OSBPL3: variants seen among roughly 807,000 people sequenced by gnomAD.
OSBPL3 encodes oxysterol-binding protein-related protein 3.
OSBPL3 carries 65 observed loss-of-function variants against 120.1 expected under a neutral mutation model. The observed-to-expected ratio is 0.54, with a 90% confidence interval of 0.44 to 0.67. OSBPL3 has a LOEUF of 0.67. Ranked by LOEUF, OSBPL3 falls within the 30% of genes least tolerant of loss-of-function variation. The pLI, the probability that OSBPL3 is intolerant of heterozygous loss-of-function variation, is 0.00. For synonymous variants in OSBPL3, 416 were observed against 402.6 expected (o/e 1.03, Z -0.40); for missense variants, 1,004 against 1,082.1 (o/e 0.93, Z 1.01).
intron 1 of OSBPL3, among the ~76,000 whole-genome samples, chr7:24,975,107 T>TAAAATATTCAC (rs1817437718): frequency 6.6e-6 from 1 of 152,236 alleles, no homozygotes; most frequent in South Asian, 2.1e-4. Context: ...CATTGATCCA[T>TAAAATATTCAC]AAAATATTCA....
At chr7:24,969,761 C>T (rs1305104373) in intron 1 of OSBPL3, among the ~76,000 whole-genome samples, 1 of 152,072 alleles carries the variant, frequency 6.6e-6, no homozygotes, top group Non-Finnish European at 1.5e-5. Context: ...TCTTTTTTCT[C>T]CTCTCACTGT....
At position 24,822,886 on chromosome 7, in the gene OSBPL3, C is replaced by T. The variant is rs1795281481; in HGVS notation, c.1885-2648G>A. 6.6e-6 allele frequency among the ~76,000 whole-genome samples: 1 copy of T among 152,196 alleles called. No homozygotes were observed. The highest frequency in any genetic ancestry group is 2.4e-5 in the African/African-American group (1 of 41,442). On this transcript the variant is annotated intron_variant, in intron 16 of 22. Transcript: ENST00000313367. The surrounding 1 kb of genome is among the most constrained non-coding windows in gnomAD (Gnocchi z 5.8). ...AGATTATGTTTAGATGGGTTCAACA[C>T]ATTTTCTGAATAAGTCTCAACCTTC...
rs1323259766 is a variant in OSBPL3 at position 24,936,177 on chromosome 7, G to A, written c.-149-43556C>T. On this transcript the variant is annotated intron_variant, in intron 1 of 22. Coordinates refer to ENST00000313367, the MANE Select transcript of OSBPL3 (RefSeq NM_015550.4). The surrounding 1 kb of genome is among the most constrained non-coding windows in gnomAD (Gnocchi z 4.2). ...AAGGGGCCTTAAGTTACTGGTTCCA[G>A]TAAAAGATAAACTTGAAAAGTTCTT... Among the ~76,000 whole-genome samples, 11 of 152,032 alleles carry A rather than the reference G, an allele frequency of 7.2e-5. No homozygotes were observed. The highest frequency in any genetic ancestry group is 2.4e-4 in the African/African-American group (10 of 41,376).
chr7:24,839,040 C>G (rs1584317520), intron 14 of OSBPL3, among the ~76,000 whole-genome samples: 1 of 152,130 alleles, frequency 6.6e-6, no homozygotes, highest in East Asian at 1.9e-4. Flanking sequence ...TGCTTTCTTC[C>G]CCTATACTGC....
chr7:24,820,446 G>C lies in OSBPL3; in HGVS notation c.1885-208C>G, dbSNP rs1291785770. Among the ~76,000 whole-genome samples, 3 of 152,252 alleles carry C rather than the reference G, an allele frequency of 2.0e-5. No homozygotes were observed. The highest frequency in any genetic ancestry group is 4.4e-5 in the Non-Finnish European group (3 of 68,006). ...TTGCTCAGATTGGTCAAGGCTGAGG[G>C]GAAGGCCCTTGAACGGAAGCCTCCA... On this transcript the variant is annotated intron_variant, in intron 16 of 22. Coordinates refer to ENST00000313367, the MANE Select transcript of OSBPL3 (RefSeq NM_015550.4). This position sits in a 1 kb window ranked among gnomAD's most constrained non-coding sequence, Gnocchi z 4.6.
At chr7:24,911,985 T>TTC (rs1350502303) in intron 1 of OSBPL3, among the ~76,000 whole-genome samples, 1 of 152,232 alleles carries the variant, frequency 6.6e-6, no homozygotes, top group Non-Finnish European at 1.5e-5. Flanking sequence ...GGTTATTTTA[T>TTC]TCTCTCCAGT....
At chr7:24,942,516 A>C (rs1361612714) in intron 1 of OSBPL3, among the ~76,000 whole-genome samples, 1 of 152,196 alleles carries the variant, frequency 6.6e-6, no homozygotes, top group Non-Finnish European at 1.5e-5. Context: ...GAATCCTGCT[A>C]TCAGGTCTCA....
chr7:24,886,664 G>A (rs565044671), intron 2 of OSBPL3, among the ~76,000 whole-genome samples: 4 of 152,330 alleles, frequency 2.6e-5, no homozygotes, highest in African/African-American at 7.2e-5. Flanking sequence ...TGTATAAACA[G>A]GACCCAGTAC....
At chr7:24,943,281 A>G (rs1277755129) in intron 1 of OSBPL3, among the ~76,000 whole-genome samples, 1 of 152,168 alleles carries the variant, frequency 6.6e-6, no homozygotes, top group African/African-American at 2.4e-5. Context: ...TCACTCCCCA[A>G]TACTCTAGGT....
chr7:24,865,107 C>T (rs1801120327), intron 7 of OSBPL3, among the ~76,000 whole-genome samples: 1 of 152,142 alleles, frequency 6.6e-6, no homozygotes, highest in African/African-American at 2.4e-5. Flanking sequence ...CAGTATCAGG[C>T]ATCAATACTG....
In OSBPL3 at chr7:24,806,739, A is replaced by G. The variant is rs763817418; in HGVS notation, c.2444+37T>C. 6 of 1,601,390 alleles carry G rather than the reference A, an allele frequency of 3.7e-6. No individual in the cohort carries two copies. The highest frequency in any genetic ancestry group is 4.3e-6 in the Non-Finnish European group (5 of 1,172,800). On this transcript the variant is annotated intron_variant, in intron 21 of 22. Coordinates refer to ENST00000313367, the MANE Select transcript of OSBPL3 (RefSeq NM_015550.4). This position sits in a 1 kb window ranked among gnomAD's most constrained non-coding sequence, Gnocchi z 5.2. Reference sequence around the variant, plus strand: ...AATAAGACTTTTTGTAAAGGGTTTTACATCTCTGGAGAGAAAAATCTTTAA... The same window carrying G: ...AATAAGACTTTTTGTAAAGGGTTTTGCATCTCTGGAGAGAAAAATCTTTAA...
rs1397351042 is a variant in OSBPL3 at position 24,933,361 on chromosome 7, A to C, written c.-149-40740T>G. On this transcript the variant is annotated intron_variant, in intron 1 of 22. Transcript: ENST00000313367. The surrounding 1 kb of genome is among the most constrained non-coding windows in gnomAD (Gnocchi z 5.1). ...GAAGGTAAAAAGCAACCTTGCCAAC[A>C]TACACCCTTTAGAACATTTTCTCTC... Among the ~76,000 whole-genome samples, 1 of 152,194 alleles carries C rather than the reference A, an allele frequency of 6.6e-6. No homozygotes were observed. Among genetic ancestry groups the C allele is most frequent in the Non-Finnish European group, 1.5e-5 (1 of 68,042 alleles).
Position 24,959,192 on chromosome 7 carries a change from G to C in OSBPL3, c.-150+20694C>G, listed in dbSNP as rs115227123. ...GGGAATCAACTGAAGCTAAACATAT[G>C]TTAACTCTGTGACCCAGCAATTCTA... On this transcript the variant is annotated intron_variant, in intron 1 of 22. Coordinates refer to ENST00000313367, the MANE Select transcript of OSBPL3 (RefSeq NM_015550.4). This position sits in a 1 kb window ranked among gnomAD's most constrained non-coding sequence, Gnocchi z 4.3. Among the ~76,000 whole-genome samples the C allele has an allele frequency of 2.0e-5, 3 of 152,086 alleles. No homozygotes were observed. The highest frequency in any genetic ancestry group is 1.3e-4 in the Admixed American group (2 of 15,274).
intron 16 of OSBPL3, among the ~76,000 whole-genome samples, chr7:24,828,032 CCTTTT>C (rs1211430710): frequency 6.6e-6 from 1 of 152,102 alleles, no homozygotes; most frequent in Non-Finnish European, 1.5e-5. Flanking sequence ...TATTCTTTTC[CCTTTT>C]TTTTTGAAAT....
rs1803661396 is a variant in OSBPL3 at position 24,881,389 on chromosome 7, G to A, written c.97-9320C>T. ...AGTATGTTATAGTCCAGTTTGTAAC[G>A]GAGCTTCTTTTTAATAGGGGGGTCC... On this transcript the variant is annotated intron_variant, in intron 2 of 22. Coordinates refer to ENST00000313367, the MANE Select transcript of OSBPL3 (RefSeq NM_015550.4). This position sits in a 1 kb window ranked among gnomAD's most constrained non-coding sequence, Gnocchi z 4.3. Among the ~76,000 whole-genome samples, 1 of 152,160 alleles carries A rather than the reference G, an allele frequency of 6.6e-6. No homozygotes were observed. The highest frequency in any genetic ancestry group is 2.1e-4 in the South Asian group (1 of 4,820).
intron 12 of OSBPL3, among the ~76,000 whole-genome samples, chr7:24,842,625 T>C (rs945334616): frequency 3.3e-5 from 5 of 152,184 alleles, no homozygotes; most frequent in Admixed American, 3.3e-4. Context: ...GCACTATCAC[T>C]TCTCACACAC....
chr7:24,846,134 CT>C (rs1320998714), intron 12 of OSBPL3, among the ~76,000 whole-genome samples: 4 of 152,096 alleles, frequency 2.6e-5, no homozygotes, highest in Non-Finnish European at 5.9e-5. Context: ...AACATCTATG[CT>C]TGAGAGAGTT....
intron 2 of OSBPL3, among the ~76,000 whole-genome samples, chr7:24,887,812 T>C (rs1053736317): frequency 1.1e-4 from 16 of 152,114 alleles, no homozygotes; most frequent in Admixed American, 3.3e-4. Context: ...CTTAACACAA[T>C]GCTCTGTGCA....
In OSBPL3 at chr7:24,863,500, A is replaced by G. The variant is rs1800873833; in HGVS notation, c.773T>C (p.Ile258Thr). ...CAGAAGAGGAGTCCGGCTCACCTGG[A>G]TGGCGTTGATAGCTGGTGCCGAGTA... ...RTYSAPAINA[I>T]QGGSFESPKK... The change falls in exon 8 of 23, where the codon ATC becomes ACC. Residue 258 changes from isoleucine to threonine, a missense_variant. Coordinates refer to ENST00000313367, the MANE Select transcript of OSBPL3 (RefSeq NM_015550.4). The surrounding 1 kb of genome is among the most constrained non-coding windows in gnomAD (Gnocchi z 5.8). 1 of 1,611,994 alleles carries G rather than the reference A, an allele frequency of 6.2e-7. No individual in the cohort carries two copies. Among genetic ancestry groups the G allele is most frequent in the African/African-American group, 1.3e-5 (1 of 74,866 alleles).
Sources: gnomAD v4.1 joint callset for allele counts (sites outside exome capture counted in the v4.1 genomes callset) on GRCh38, gnomAD v4.1.1 for gene constraint, Gnocchi (gnomAD v3.1) non-coding constraint, MANE v1.5 for transcripts, NCBI Gene and HGNC (gene_info 2026-07-23, HGNC 2026-07-21) for gene names.